Variants in XPOT observed in about 807,000 individuals in gnomAD.
The protein encoded by XPOT is exportin-T.
A neutral mutation model predicts 128.2 loss-of-function variants in XPOT; 34 were observed. That is an observed-to-expected ratio of 0.27 (90% CI 0.20 to 0.35). The LOEUF (loss-of-function observed/expected upper bound fraction) is 0.35. XPOT is among the 10% of genes least tolerant of loss of function. The pLI, the probability that XPOT is intolerant of heterozygous loss-of-function variation, is 1.00. For synonymous variants in XPOT, 348 were observed against 394.3 expected, an observed-to-expected ratio of 0.88 and a Z score of 1.39; for missense variants, 838 against 1,125.3, an observed-to-expected ratio of 0.74 and a Z score of 3.65.
Position 64,427,373 on chromosome 12 carries a change from A to G in XPOT, c.1668-678A>G, listed in dbSNP as rs139645752. Among the ~76,000 whole-genome samples, 104 of 152,178 alleles carry G rather than the reference A, an allele frequency of 6.8e-4. 3 individuals carry two copies. The East Asian group carries it at 0.02, about 29-fold the overall frequency. ...TGACCTGAGATGATCCACCCTCTTC[A>G]GCCTCCCAAAGTGCTGGTATTACAG... On this transcript the variant is annotated intron_variant, in intron 15 of 24. Coordinates refer to ENST00000332707, the MANE Select transcript of XPOT (RefSeq NM_007235.6).
chr12:64,418,166 A>G, intron 5 of XPOT, 51 bp downstream of exon 5: 1 of 1,505,728 alleles, frequency 6.6e-7, no homozygotes, highest in South Asian at 1.2e-5. Flanking sequence ...ATTTAAACTT[A>G]TTTTTTGCAA....
intron 8 of XPOT, 57 bp from the exon 9 acceptor site, chr12:64,421,178 T>C (rs2040135214): frequency 3.9e-6 from 5 of 1,276,266 alleles, no homozygotes; most frequent in Non-Finnish European, 4.5e-6. Context: ...AAGTTCAGTT[T>C]TTCCTCTTAG....
rs372844358 is a variant in XPOT, at chr12:64,429,999, G to A, written c.1738-50G>A. On this transcript the variant is annotated intron_variant, in intron 16 of 24. Transcript: ENST00000332707. ...CCTAATGCACTTTTTCTCATTAAATGAAGGGAACTCAAAAAATAAAAGCTT... is the reference window on the plus strand; with the variant it reads ...CCTAATGCACTTTTTCTCATTAAATAAAGGGAACTCAAAAAATAAAAGCTT... The A allele has an allele frequency of 2.0e-6, 3 of 1,476,452 alleles. No homozygotes were observed. In the African/African-American group the frequency reaches 4.2e-5, roughly 21 times the overall value. 91.5% of individuals were successfully genotyped at this position (1,476,452 alleles called of 1,614,324 possible).
At chr12:64,408,008 C>T (rs2039999051) in intron 1 of XPOT, among the ~76,000 whole-genome samples, 1 of 152,148 alleles carries the variant, frequency 6.6e-6, no homozygotes, top group Non-Finnish European at 1.5e-5. Flanking sequence ...GGCCTTTCTC[C>T]CCTACCCCTG....
intron 2 of XPOT, among the ~76,000 whole-genome samples, chr12:64,412,159 T>G (rs967155535): frequency 1.3e-5 from 2 of 151,472 alleles, no homozygotes; most frequent in Non-Finnish European, 2.9e-5. Flanking sequence ...TTAGAGTAGC[T>G]AGGATTAGAA....
At chr12:64,410,177 A>G in intron 2 of XPOT, 82 bp downstream of exon 2, 1 of 1,354,520 alleles carries the variant, frequency 7.4e-7, no homozygotes, top group Non-Finnish European at 1.0e-6. Context: ...GCACCTGGCA[A>G]AAGTTTACTT....
At position 64,448,791 on chromosome 12, in the gene XPOT, T is replaced by C. The variant is rs1189715088; in HGVS notation, c.*660T>C. 2 of 152,230 alleles carry C rather than the reference T, an allele frequency of 1.3e-5. No homozygotes were observed. The highest frequency in any genetic ancestry group is 2.4e-5 in the African/African-American group (1 of 41,464). 9.4% of individuals were successfully genotyped at this position (152,230 alleles called of 1,614,324 possible). On this transcript the variant is annotated 3_prime_UTR_variant, in exon 25 of 25. Transcript: ENST00000332707. ...AGGTTTACAAATATGAGTGTGTGGATGCTTTAATTCATTTAACCTCACTCC... is the reference window on the plus strand; with the variant it reads ...AGGTTTACAAATATGAGTGTGTGGACGCTTTAATTCATTTAACCTCACTCC...
chr12:64,425,587 A>AG, intron 14 of XPOT, 130 bp downstream of exon 14: 1 of 1,223,906 alleles, frequency 8.2e-7, no homozygotes, highest in South Asian at 1.5e-5. Flanking sequence ...ACACACTGAA[A>AG]GTAACCCCTC....
At chr12:64,405,981 T>TA (rs998094926) in intron 1 of XPOT, among the ~76,000 whole-genome samples, 1 of 152,202 alleles carries the variant, frequency 6.6e-6, no homozygotes, top group Non-Finnish European at 1.5e-5. Context: ...TGACAACTGT[T>TA]AACTAGTTTG....
At chr12:64,440,070 C>A (rs903791526) in intron 23 of XPOT, among the ~76,000 whole-genome samples, 1 of 152,124 alleles carries the variant, frequency 6.6e-6, no homozygotes, top group Non-Finnish European at 1.5e-5. Flanking sequence ...AGGTGGATCT[C>A]CAGAACATAT....
intron 23 of XPOT, among the ~76,000 whole-genome samples, chr12:64,444,322 A>G (rs1354408840): frequency 6.6e-6 from 1 of 152,254 alleles, no homozygotes; most frequent in Non-Finnish European, 1.5e-5. Flanking sequence ...AAGTACTGAC[A>G]TTTGAAAATG....
At chr12:64,428,903 A>G (rs1265601936) in intron 16 of XPOT, among the ~76,000 whole-genome samples, 1 of 152,238 alleles carries the variant, frequency 6.6e-6, no homozygotes, top group African/African-American at 2.4e-5. Flanking sequence ...GTATTCATAA[A>G]TCAGAAAGCA....
chr12:64,446,152 G>T (rs1355396440), intron 24 of XPOT, among the ~76,000 whole-genome samples: 1 of 152,134 alleles, frequency 6.6e-6, no homozygotes, highest in Non-Finnish European at 1.5e-5. Flanking sequence ...TTAAATAACT[G>T]ATCAGTCAAA....
rs111636693 is a variant in XPOT, at chr12:64,426,184, G to A, written c.1667+275G>A. ...TAGCTAGGCATGGTGGCGGGTTCCTGTAATCCCACCTACTCAGGAGGCTGA... is the reference window on the plus strand; with the variant it reads ...TAGCTAGGCATGGTGGCGGGTTCCTATAATCCCACCTACTCAGGAGGCTGA... On this transcript the variant is annotated intron_variant, in intron 15 of 24. Coordinates refer to ENST00000332707, the MANE Select transcript of XPOT (RefSeq NM_007235.6). Among the ~76,000 whole-genome samples, 1,447 of 151,570 alleles carry A rather than the reference G, an allele frequency of 9.5e-3. 20 individuals are homozygous for A. The highest frequency in any genetic ancestry group is 0.033 in the African/African-American group (1,353 of 41,342).
chr12:64,424,932 G>T, intron 12 of XPOT, 106 bp from the exon 13 acceptor site: 2 of 1,435,964 alleles, frequency 1.4e-6, no homozygotes, highest in South Asian at 2.6e-5. Flanking sequence ...CAGTTGCTAT[G>T]ACTTTTTAAT....
rs1446118189 is a variant in XPOT, at chr12:64,449,105, G to C, written c.*974G>C. On this transcript the variant is annotated 3_prime_UTR_variant, in exon 25 of 25. Coordinates refer to ENST00000332707, the MANE Select transcript of XPOT (RefSeq NM_007235.6). ...GGCTACTCAGGAGGCTGAGGCAGGA[G>C]AATCGCTTGAACCCGGAAGGCAGAG... The C allele has an allele frequency of 6.6e-6, 1 of 150,914 alleles. No homozygotes were observed. Among genetic ancestry groups the C allele is most frequent in the East Asian group, 2.0e-4 (1 of 5,116 alleles). The allele number at this position is 150,914 out of a possible 1,614,324, so 9.3% of individuals were successfully genotyped here.
chr12:64,406,311 T>G (rs1252776199), intron 1 of XPOT, among the ~76,000 whole-genome samples: 1 of 149,044 alleles, frequency 6.7e-6, no homozygotes, highest in Non-Finnish European at 1.5e-5. Context: ...CCTGACCTCG[T>G]GATCCGCCCA....
chr12:64,418,857 CTG>C lies in XPOT; in HGVS notation c.271-17_271-16del, dbSNP rs763852453. On this transcript the variant is annotated splice_polypyrimidine_tract_variant and intron_variant, in intron 5 of 24. Coordinates refer to ENST00000332707, the MANE Select transcript of XPOT (RefSeq NM_007235.6). The stretch of plus-strand genomic sequence containing the variant: ...TTCAATTTACATTTAATTTTATGGA[CTG>C]TTTCTCTGTTTGTCAGATGCTGAAT... 1 of 1,607,224 alleles carries C rather than the reference CTG, an allele frequency of 6.2e-7. No homozygotes were observed. The highest frequency in any genetic ancestry group is 8.5e-7 in the Non-Finnish European group (1 of 1,175,968).
Position 64,404,507 on chromosome 12 carries a change from G to A in XPOT, c.-372G>A, listed in dbSNP as rs1451978275. ...GCGGCGGCGGCGGCGGCGTTAGCCG[G>A]CCCTCGCGCTCTTTCCCTTCCTGGG... On this transcript the variant is annotated 5_prime_UTR_variant, in exon 1 of 25. Transcript: ENST00000332707. The A allele has an allele frequency of 3.2e-5, 5 of 158,142 alleles. No individual in the cohort carries two copies. Among genetic ancestry groups the A allele is most frequent in the Admixed American group, 1.3e-4 (2 of 15,314 alleles). 9.8% of individuals were successfully genotyped at this position (158,142 alleles called of 1,614,324 possible).
Sources: gnomAD v4.1 joint callset for allele counts (sites outside exome capture counted in the v4.1 genomes callset) on GRCh38, gnomAD v4.1.1 for gene constraint, MANE v1.5 for transcripts, NCBI Gene and HGNC (gene_info 2026-07-23, HGNC 2026-07-21) for gene names.